MACF1: variants seen among roughly 807,000 people sequenced by gnomAD.
MACF1 encodes the protein microtubule-actin cross-linking factor 1.
Under a neutral mutation model 854.8 loss-of-function variants are expected in MACF1, and 193 were observed. The ratio of observed to expected loss-of-function variants is 0.23; its 90% CI spans 0.20 to 0.25. MACF1 has a LOEUF of 0.25. Among genes scored for constraint, MACF1 ranks in the 10% least tolerant of loss-of-function variants. MACF1 has a pLI of 1.00. For missense variants in MACF1, 7,722 were observed against 8,929.1 expected (o/e 0.86, Z 5.45); for synonymous variants, 3,185 against 3,226.7 (o/e 0.99, Z 0.44).
At chr1:39,181,750 C>T (rs1329345171) in intron 2 of MACF1, among the ~76,000 whole-genome samples, 1 of 152,138 alleles carries the variant, frequency 6.6e-6, no homozygotes, top group Non-Finnish European at 1.5e-5. Context: ...AAAATAAACC[C>T]TTACATTTAT....
chr1:39,379,296 C>T lies in MACF1; in HGVS notation c.13370C>T (p.Ala4457Val), dbSNP rs1179989381. The change falls in exon 54 of 101, where the codon GCT (alanine) becomes GTT (valine). Residue 4457 changes from alanine (A) to valine (V), a missense_variant. Physicochemically the swap from Ala to Val is moderately conservative, Grantham distance 64 (BLOSUM62 0). Transcript: ENST00000564288. Reference sequence around the variant, plus strand: ...CATGAACGCCAGGAAAGCCTTCAGGCTATCCTCAACAGAATGGAGGAGGTT... The same window carrying T: ...CATGAACGCCAGGAAAGCCTTCAGGTTATCCTCAACAGAATGGAGGAGGTT... ...VLHERQESLQ[A>V]ILNRMEEVHK... 6.2e-7 allele frequency: 1 copy of T among 1,613,638 alleles called. No individual in the cohort carries two copies. Among genetic ancestry groups the T allele is most frequent in the Non-Finnish European group, 8.5e-7 (1 of 1,179,830 alleles).
chr1:39,473,352 A>G (rs1044185717), intron 97 of MACF1, among the ~76,000 whole-genome samples: 1 of 152,202 alleles, frequency 6.6e-6, no homozygotes. Flanking sequence ...CACAAAATGC[A>G]AAGGTTGCTG....
Position 39,479,015 on chromosome 1 carries a change from C to G in MACF1, c.21959-783C>G, listed in dbSNP as rs149651088. ...GCATTTAACATTTTTGTTGGCTGTG[C>G]GTGAGATCTTCCTATGGAATCCACA... is the stretch of plus-strand genomic sequence containing the variant. On this transcript the variant is annotated intron_variant, in intron 97 of 100. Transcript: ENST00000564288. 1.8e-4 allele frequency among the ~76,000 whole-genome samples: 27 copies of G among 152,274 alleles called. No homozygotes were observed. The East Asian group carries it at 4.8e-3, about 27-fold the overall frequency.
chr1:39,186,310 C>T (rs1235014601), intron 2 of MACF1, among the ~76,000 whole-genome samples: 1 of 149,928 alleles, frequency 6.7e-6, no homozygotes, highest in African/African-American at 2.5e-5. Context: ...CACTCTGTCA[C>T]CAGGCTGGAG....
At chr1:39,278,107 A>G (rs767309331) in intron 6 of MACF1, among the ~76,000 whole-genome samples, 16 of 152,186 alleles carry the variant, frequency 1.1e-4, no homozygotes, top group Non-Finnish European at 2.4e-4. Flanking sequence ...TCCCTCTCCA[A>G]ATGGCTTCCT....
rs185756227 is a variant in MACF1, at chr1:39,445,139, T to C, written c.19605+304T>C. 1.6e-3 allele frequency among the ~76,000 whole-genome samples: 240 copies of C among 152,354 alleles called. 3 individuals are homozygous for C. The highest frequency in any genetic ancestry group is 3.5e-4 in the Non-Finnish European group (24 of 68,034). ...ACAAGGTTTTGCTGGAGTTGGTATCTTGGGGTTGAGAGATTGGGGACAGGG... is the reference window on the plus strand; with the variant it reads ...ACAAGGTTTTGCTGGAGTTGGTATCCTGGGGTTGAGAGATTGGGGACAGGG... On this transcript the variant is annotated intron_variant, in intron 80 of 100. Coordinates refer to ENST00000564288, the MANE Select transcript of MACF1 (RefSeq NM_001394062.1).
chr1:39,249,987 A>G, intron 2 of MACF1, 27 bp from the exon 3 acceptor site: 1 of 1,354,282 alleles, frequency 7.4e-7, no homozygotes. Context: ...TCAAATAAAA[A>G]TCTGTCTGTT....
chr1:39,285,506 T>G, intron 13 of MACF1, 98 bp from the exon 14 acceptor site: 4 of 1,520,270 alleles, frequency 2.6e-6, no homozygotes, highest in Non-Finnish European at 3.6e-6. Context: ...TTCCCTTTTT[T>G]TTTTTTTTTG....
intron 2 of MACF1, among the ~76,000 whole-genome samples, chr1:39,196,526 C>T (rs899167126): frequency 6.6e-5 from 10 of 152,154 alleles, no homozygotes; most frequent in Admixed American, 5.2e-4. Flanking sequence ...ATGTCTGCAT[C>T]GTGCCATTTC....
At chr1:39,463,729 A>C in intron 94 of MACF1, 43 bp downstream of exon 94, 2,157 of 1,548,876 alleles carry the variant, frequency 1.4e-3, no homozygotes, top group Non-Finnish European at 1.7e-3. Flanking sequence ...GTGGTTTCTC[A>C]TATGTGGCTG....
In MACF1 at chr1:39,353,142, T is replaced by G. The variant is rs1311049423; in HGVS notation, c.11335T>G (p.Leu3779Val). ...AATGGAGCAGCTCTCGGGAGCTAGC[T>G]TGGAGAAAGGAGCCTTGGACACCAC... is the stretch of plus-strand genomic sequence containing the variant. ...PGMEQLSGAS[L>V]EKGALDTTDG... Residue 3779 changes from leucine (L) to valine (V), a missense_variant, in exon 44 of 101, where the codon TTG becomes GTG. Physicochemically the swap from Leu to Val is conservative, Grantham distance 32 (BLOSUM62 1). Transcript: ENST00000564288. 1 of 1,614,136 alleles carries G rather than the reference T, an allele frequency of 6.2e-7. No homozygotes were observed.
rs185599024 is a variant in MACF1, at chr1:39,167,106, C to T, written c.221-64076C>T. Among the ~76,000 whole-genome samples, 1,471 of 151,962 alleles carry T rather than the reference C, an allele frequency of 9.7e-3. 24 individuals carry two copies. The highest frequency in any genetic ancestry group is 0.033 in the African/African-American group (1,388 of 41,482). On this transcript the variant is annotated intron_variant, in intron 2 of 93. Coordinates refer to the MACF1 transcript ENST00000361689. ...CCTCCCGAGTAGCTGGGATTACAGG[C>T]GCCTGCCACCACGCCCAGCTAATTT... is the stretch of plus-strand genomic sequence containing the variant.
At chr1:39,462,569 G>T (rs556473417) in intron 93 of MACF1, among the ~76,000 whole-genome samples, 1 of 148,156 alleles carries the variant, frequency 6.7e-6, no homozygotes, top group East Asian at 2.0e-4. Flanking sequence ...AAAAAAATTA[G>T]CCAGGTGTGG....
rs973700264 is a variant in MACF1 at position 39,110,207 on chromosome 1, T to TATC, written c.220+25770_220+25772dup. Among the ~76,000 whole-genome samples, 4 of 150,928 alleles carry TATC rather than the reference T, an allele frequency of 2.7e-5. No individual in the cohort carries two copies. In the Admixed American group the frequency reaches 2.7e-4, roughly 10 times the overall value. On this transcript the variant is annotated intron_variant, in intron 2 of 93. Transcript: ENST00000361689. ...TGGTTATATGTAGATTCAGCTTATT[T>TATC]ATCCTTTTTAGTGGATGTTGTTCTT...
At chr1:39,268,242 G>A (rs1571239702) in intron 6 of MACF1, among the ~76,000 whole-genome samples, 1 of 151,830 alleles carries the variant, frequency 6.6e-6, no homozygotes, top group East Asian at 1.9e-4. Context: ...CTTCTGCCAC[G>A]GCCTCTCTTC....
intron 2 of MACF1, among the ~76,000 whole-genome samples, chr1:39,117,664 A>T (rs1370485188): frequency 6.6e-6 from 1 of 151,978 alleles, no homozygotes; most frequent in Non-Finnish European, 1.5e-5. Context: ...TACTATTGTT[A>T]TCACCATCAG....
Position 39,432,648 on chromosome 1 carries a change from A to G in MACF1, c.17451A>G (p.Val5817=). The G allele has an allele frequency of 6.2e-6, 10 of 1,613,848 alleles. No homozygotes were observed. Among genetic ancestry groups the G allele is most frequent in the Non-Finnish European group, 8.5e-6 (10 of 1,179,882 alleles). Residue 5817 remains valine (V), a synonymous_variant, in exon 67 of 101, where the codon GTA becomes GTG. Coordinates refer to ENST00000564288, the MANE Select transcript of MACF1 (RefSeq NM_001394062.1). ...EQDQTTAQLQ[V]QKAFSIDIIR... ...ACCAGACCACAGCTCAGCTTCAGGT[A>G]CAGAAGGTACGTGCCCACTCTTTCC...
chr1:39,342,164 C>G (rs1557598974), intron 40 of MACF1, among the ~76,000 whole-genome samples: 2 of 148,790 alleles, frequency 1.3e-5, no homozygotes, highest in Admixed American at 6.9e-5. Flanking sequence ...GCTTTCTGTT[C>G]CTATGTTAGT....
chr1:39,270,075 C>T (rs905883153), intron 6 of MACF1, among the ~76,000 whole-genome samples: 1 of 152,138 alleles, frequency 6.6e-6, no homozygotes, highest in Non-Finnish European at 1.5e-5. Context: ...GCACAAGAGA[C>T]GATGGGGAAG....
Sources: allele counts gnomAD v4.1 joint callset (sites outside exome capture counted in the v4.1 genomes callset), GRCh38; gene constraint gnomAD v4.1.1; transcripts MANE v1.5; gene names NCBI Gene and HGNC (gene_info 2026-07-23, HGNC 2026-07-21).